HDHD2: variants seen among roughly 807,000 people sequenced by gnomAD.
HDHD2 encodes haloacid dehalogenase like hydrolase domain containing 2, also known as haloacid dehalogenase-like hydrolase domain-containing protein 2.
A neutral mutation model predicts 24.8 loss-of-function variants in HDHD2; 26 were observed. The observed-to-expected ratio is 1.05, with a 90% CI of 0.77 to 1.45. HDHD2 has a LOEUF of 1.45. HDHD2 is among the 40% of genes most tolerant of loss of function. HDHD2 has a pLI of 0.00. For missense variants in HDHD2, 299 were observed against 313.4 expected, an observed-to-expected ratio of 0.95 and a Z score of 0.35; for synonymous variants, 128 against 114.9, an observed-to-expected ratio of 1.11 and a Z score of -0.73.
At chr18:47,142,254 C>A in intron 1 of HDHD2, among the ~76,000 whole-genome samples, 1 of 148,660 alleles carries the variant, frequency 6.7e-6, no homozygotes, top group African/African-American at 2.5e-5. Context: ...GTTTTAGTTC[C>A]ATAAATAAAT....
Position 47,108,673 on chromosome 18 carries a change from C to A in HDHD2, c.*9G>T, listed in dbSNP as rs780294678. ...TGCATTTCAAGTTGCTTCAGATGCA[C>A]ACACTGCTTCACAATAGGTGCTGCA... On this transcript the variant is annotated 3_prime_UTR_variant, in exon 7 of 7. Transcript: ENST00000300605. The A allele has an allele frequency of 6.8e-7, 1 of 1,461,850 alleles. No homozygotes were observed. The highest frequency in any genetic ancestry group is 9.5e-7 in the Non-Finnish European group (1 of 1,049,732). The allele number at this position is 1,461,850 out of a possible 1,614,324, so 90.6% of individuals were successfully genotyped here.
chr18:47,148,328 G>A (rs1000360852), intron 1 of HDHD2, among the ~76,000 whole-genome samples: 6 of 152,042 alleles, frequency 3.9e-5, no homozygotes, highest in African/African-American at 1.4e-4. Flanking sequence ...ACTACAAGCT[G>A]GTATTTGATA....
intron 6 of HDHD2, 62 bp downstream of exon 6, chr18:47,112,914 CT>C: frequency 7.3e-7 from 1 of 1,372,004 alleles, no homozygotes; most frequent in Non-Finnish European, 1.0e-6. Context: ...AAAGATTGTT[CT>C]TTAAGCAACT....
intron 1 of HDHD2, among the ~76,000 whole-genome samples, chr18:47,139,646 T>C (rs2063802065): frequency 6.6e-6 from 1 of 152,062 alleles, no homozygotes; most frequent in Admixed American, 6.6e-5. Context: ...GTGACTGGTG[T>C]CTGAAAATGG....
intron 3 of HDHD2, among the ~76,000 whole-genome samples, chr18:47,132,420 T>C (rs117060737): frequency 0.016 from 2,431 of 152,296 alleles, 24 homozygotes; most frequent in Non-Finnish European, 0.025. Flanking sequence ...GTTCATGTCA[T>C]TGTGTATTTT....
rs756077097 is a variant in HDHD2 at position 47,132,082 on chromosome 18, A to G, written c.311-1754T>C. On this transcript the variant is annotated intron_variant, in intron 3 of 6. Coordinates refer to ENST00000300605, the MANE Select transcript of HDHD2 (RefSeq NM_032124.5). ...TCCCCTCTTCCCTTGCTTCCCCTTT[A>G]GGTAACCATTTTTATTAGTTTTTCA... 3.3e-5 allele frequency among the ~76,000 whole-genome samples: 5 copies of G among 152,074 alleles called. No homozygotes were observed. The East Asian group carries it at 9.6e-4, about 29-fold the overall frequency.
chr18:47,137,343 C>G (rs2063775842), intron 1 of HDHD2: 19 of 361,706 alleles, frequency 5.3e-5, no homozygotes, highest in South Asian at 5.0e-4. Context: ...TCTGTTCTTA[C>G]AGACCAAGCT....
intron 6 of HDHD2, chr18:47,111,086 G>A (rs1195851376): frequency 3.0e-6 from 3 of 985,252 alleles, no homozygotes; most frequent in Non-Finnish European, 3.6e-6. Context: ...TAGAACAGTA[G>A]GGTTATTCAT....
chr18:47,138,270 A>G (rs958474398), intron 1 of HDHD2, among the ~76,000 whole-genome samples: 7 of 151,220 alleles, frequency 4.6e-5, no homozygotes, highest in African/African-American at 1.5e-4. Flanking sequence ...ACCATTAGTA[A>G]TGGGACAAAC....
intron 1 of HDHD2, among the ~76,000 whole-genome samples, chr18:47,146,292 T>C (rs11877963): frequency 0.03 from 4,446 of 149,390 alleles, 80 homozygotes; most frequent in Non-Finnish European, 0.045. Context: ...TCAAAGCTCA[T>C]TGGTAATCAG....
At chr18:47,113,690 A>C (rs564008453) in intron 5 of HDHD2, among the ~76,000 whole-genome samples, 1 of 152,338 alleles carries the variant, frequency 6.6e-6, no homozygotes, top group East Asian at 1.9e-4. Context: ...AAAATCAAAA[A>C]AATTAATCTT....
chr18:47,131,275 C>A (rs758609155), intron 3 of HDHD2, among the ~76,000 whole-genome samples: 2 of 152,180 alleles, frequency 1.3e-5, no homozygotes, highest in African/African-American at 4.8e-5. Context: ...CCACACCCAG[C>A]CTCTCCATAC....
rs894120068 is a variant in HDHD2, at chr18:47,150,484, G to T, written c.-117C>A. 1 of 152,218 alleles carries T rather than the reference G, an allele frequency of 6.6e-6. No individual in the cohort carries two copies. Among genetic ancestry groups the T allele is most frequent in the Non-Finnish European group, 1.5e-5 (1 of 68,060 alleles). The allele number at this position is 152,218 out of a possible 1,614,324, so 9.4% of individuals were successfully genotyped here. On this transcript the variant is annotated 5_prime_UTR_variant, in exon 1 of 7. Transcript: ENST00000300605. ...GGGATAGACAGCCCCGCTGCTGCCC[G>T]ACGGACGCCGGAAGTTGGGCCCTGG...
chr18:47,114,249 G>C (rs1228376530), intron 5 of HDHD2, among the ~76,000 whole-genome samples: 1 of 152,214 alleles, frequency 6.6e-6, no homozygotes, highest in Non-Finnish European at 1.5e-5. Flanking sequence ...CAGGAGGACT[G>C]TGATACACAT....
chr18:47,144,299 T>G (rs1418567499), intron 1 of HDHD2, among the ~76,000 whole-genome samples: 1 of 152,086 alleles, frequency 6.6e-6, no homozygotes, highest in Non-Finnish European at 1.5e-5. Flanking sequence ...AAGAGATAGA[T>G]CCTCTGACCT....
intron 6 of HDHD2, chr18:47,111,823 T>C: frequency 2.0e-6 from 2 of 984,738 alleles, no homozygotes; most frequent in South Asian, 9.4e-5. Flanking sequence ...AGCAACCACA[T>C]TTTCTTGAAC....
chr18:47,135,812 T>C lies in HDHD2; in HGVS notation c.101+527A>G, dbSNP rs574072645. ...TGTCTCATTTGTATCCAGACTTCTGTTTAGTATTGTGGTTGGTACATGAGA... is the reference window on the plus strand; with the variant it reads ...TGTCTCATTTGTATCCAGACTTCTGCTTAGTATTGTGGTTGGTACATGAGA... On this transcript the variant is annotated intron_variant, in intron 2 of 6. Transcript: ENST00000300605. Among the ~76,000 whole-genome samples, 113 of 152,310 alleles carry C rather than the reference T, an allele frequency of 7.4e-4. 1 individual carries two copies. Among genetic ancestry groups the C allele is most frequent in the African/African-American group, 2.2e-3 (93 of 41,576 alleles).
rs187962796 is a variant in HDHD2 at position 47,130,985 on chromosome 18, T to C, written c.311-657A>G. Among the ~76,000 whole-genome samples, 3 of 152,334 alleles carry C rather than the reference T, an allele frequency of 2.0e-5. No individual in the cohort carries two copies. The East Asian group carries it at 5.8e-4, about 29-fold the overall frequency. On this transcript the variant is annotated intron_variant, in intron 3 of 6. Coordinates refer to ENST00000300605, the MANE Select transcript of HDHD2 (RefSeq NM_032124.5). ...CATTACAACTTTATTTATTTATTTA[T>C]TTATTTTTGAGACGGAGTTTTGCTC...
chr18:47,137,012 G>A, intron 1 of HDHD2: 1 of 660,924 alleles, frequency 1.5e-6, no homozygotes, highest in Non-Finnish European at 2.8e-6. Context: ...GACTCTGGCA[G>A]TCACCATGGC....
Sources: gnomAD v4.1 joint callset for allele counts (sites outside exome capture counted in the v4.1 genomes callset) on GRCh38, gnomAD v4.1.1 for gene constraint, MANE v1.5 for transcripts, NCBI Gene and HGNC (gene_info 2026-07-23, HGNC 2026-07-21) for gene names.